ZNF324B: variants seen among roughly 807,000 people sequenced by gnomAD.
ZNF324B encodes zinc finger protein 324B.
ZNF324B carries 7 observed loss-of-function variants against 10.6 expected under a neutral mutation model. That is an observed-to-expected ratio of 0.66 (90% confidence interval 0.38 to 1.24). The LOEUF (loss-of-function observed/expected upper bound fraction) is 1.24, where lower values mean the gene tolerates loss of function less well. Ranked by LOEUF, ZNF324B falls within the 50% of genes most tolerant of loss-of-function variation. The pLI is 0.02. For missense variants in ZNF324B, 640 were observed against 764.7 expected, an observed-to-expected ratio of 0.84 and a Z score of 1.92; for synonymous variants, 316 against 321.0, an observed-to-expected ratio of 0.98 and a Z score of 0.17.
At chr19:58,451,378 G>A (rs1345597302), upstream of ZNF324B, among the ~76,000 whole-genome samples, 1 of 152,262 alleles carries the variant, frequency 6.6e-6, no homozygotes, top group Non-Finnish European at 1.5e-5. Flanking sequence ...CCCCAACGCG[G>A]GACAACCTGC....
chr19:58,439,254 C>T, the ZNF324B span, among the ~76,000 whole-genome samples: 1 of 152,208 alleles, frequency 6.6e-6, no homozygotes, highest in Non-Finnish European at 1.5e-5. Context: ...TCCTGCTCCA[C>T]CATCACCATC....
chr19:58,427,324 T>TTTCTTTCTTTCTTTCTTTCTTTCTTTCC, the ZNF324B span, among the ~76,000 whole-genome samples: 2 of 92,554 alleles, frequency 2.2e-5, no homozygotes, highest in Non-Finnish European at 3.8e-5. Context: ...TCTTTCTTTC[T>TTTCTTTCTTTCTTTCTTTCTTTCTTTCC]TTCTTTCTTT....
At chr19:58,419,545 G>A in the ZNF324B span, among the ~76,000 whole-genome samples, 20 of 152,202 alleles carry the variant, frequency 1.3e-4, no homozygotes, top group African/African-American at 4.1e-4. Context: ...TTGCAGACCT[G>A]TTATTTGTGT....
rs1775913150 is a variant in ZNF324B at position 58,455,594 on chromosome 19, G to A, written c.650G>A (p.Ser217Asn). 1.2e-6 allele frequency: 2 copies of A among 1,613,988 alleles called. No homozygotes were observed. Among genetic ancestry groups the A allele is most frequent in the East Asian group, 2.2e-5 (1 of 44,898 alleles). The change falls in exon 4 of 4, where the codon AGT becomes AAT. Residue 217 changes from serine (S) to asparagine (N), a missense_variant. Physicochemically the swap from Ser to Asn is conservative, Grantham distance 46. This residue lies in a region of ZNF324B where 345 missense variants were observed against 387.9 expected (regional missense o/e 0.89). Transcript: ENST00000336614. The surrounding 1 kb of genome is among the most constrained non-coding windows in gnomAD (Gnocchi z 7.0). ...FGNASDLKAA[S>N]GGRDRRMGAA... ...AATGCCTCGGACCTGAAGGCCGCCA[G>A]TGGTGGCAGGGATCGCAGAATGGGC...
At chr19:58,439,831 C>A in the ZNF324B span, 1 of 1,540,572 alleles carries the variant, frequency 6.5e-7, no homozygotes, top group South Asian at 1.2e-5. Context: ...TAACAGGAGG[C>A]CCAGGGCTAG....
chr19:58,428,866 T>C, the ZNF324B span: 1 of 152,244 alleles, frequency 6.6e-6, no homozygotes, highest in Non-Finnish European at 1.5e-5. Context: ...GAACCAGTTA[T>C]GCCTGCCTAC....
the ZNF324B span, chr19:58,434,310 C>T: frequency 6.2e-7 from 1 of 1,613,368 alleles, no homozygotes; most frequent in South Asian, 1.1e-5. Flanking sequence ...TTCCACATTT[C>T]AGGCACTCAA....
the ZNF324B span, among the ~76,000 whole-genome samples, chr19:58,439,466 G>A: frequency 2.0e-5 from 3 of 152,200 alleles, no homozygotes; most frequent in Admixed American, 6.5e-5. Context: ...GCAGTCCCCA[G>A]AATGCTTCCA....
At position 58,456,208 on chromosome 19, in the gene ZNF324B, G is replaced by A. The variant is rs372915064; in HGVS notation, c.1264G>A (p.Glu422Lys). The change falls in exon 4 of 4, where the codon GAG becomes AAG. Residue 422 changes from glutamate (E) to lysine (K), a missense_variant. This residue lies in a region of ZNF324B where 238 missense variants were observed against 258.0 expected (regional missense o/e 0.92). Coordinates refer to ENST00000336614, the MANE Select transcript of ZNF324B (RefSeq NM_207395.3). This position sits in a 1 kb window ranked among gnomAD's most constrained non-coding sequence, Gnocchi z 4.7. ...LFLHQRVHTG[E>K]KPFACAQCGR... ...TTTGCACCAGCGCGTGCACACAGGC[G>A]AGAAGCCCTTCGCCTGCGCCCAGTG... is the stretch of plus-strand genomic sequence containing the variant. 2 of 1,613,056 alleles carry A rather than the reference G, an allele frequency of 1.2e-6. No homozygotes were observed. The highest frequency in any genetic ancestry group is 3.3e-5 in the Admixed American group (2 of 59,988).
At chr19:58,438,858 T>G in the ZNF324B span, among the ~76,000 whole-genome samples, 926 of 151,764 alleles carry the variant, frequency 6.1e-3, 8 homozygotes, top group African/African-American at 0.018. Flanking sequence ...GCAACCTCCA[T>G]CTCCCAGATT....
the ZNF324B span, among the ~76,000 whole-genome samples, chr19:58,427,153 G>A: frequency 4.0e-5 from 6 of 150,786 alleles, no homozygotes; most frequent in South Asian, 2.1e-4. Context: ...TTTTTGAGAC[G>A]GAGTTTCACT....
intron 2 of ZNF324B, 144 bp from the exon 3 acceptor site, chr19:58,454,084 A>G (rs993371115): frequency 1.4e-6 from 1 of 698,384 alleles, no homozygotes; most frequent in Non-Finnish European, 2.5e-6. Context: ...AGCTATTCCT[A>G]TGAGCCCCTT....
At chr19:58,448,852 C>T (rs1041224385), upstream of ZNF324B, among the ~76,000 whole-genome samples, 3 of 152,202 alleles carry the variant, frequency 2.0e-5, no homozygotes, top group Admixed American at 6.5e-5. Flanking sequence ...CATAAAAGTT[C>T]AGAAAATTTG....
At chr19:58,431,823 C>G in the ZNF324B span, among the ~76,000 whole-genome samples, 13 of 152,210 alleles carry the variant, frequency 8.5e-5, no homozygotes, top group Non-Finnish European at 1.5e-5. Context: ...AAACCCGTCT[C>G]TACTAAAAAT....
At chr19:58,422,541 A>G in the ZNF324B span, among the ~76,000 whole-genome samples, 6 of 152,254 alleles carry the variant, frequency 3.9e-5, no homozygotes, top group Admixed American at 2.0e-4. Context: ...GGTCTGATAA[A>G]GAGATTCAGC....
chr19:58,425,225 C>T, the ZNF324B span, among the ~76,000 whole-genome samples: 1 of 151,462 alleles, frequency 6.6e-6, no homozygotes, highest in African/African-American at 2.4e-5. Context: ...CACTGCACTC[C>T]AGCCTGGGCG....
chr19:58,423,870 A>T, the ZNF324B span, among the ~76,000 whole-genome samples: 1 of 152,068 alleles, frequency 6.6e-6, no homozygotes, highest in African/African-American at 2.4e-5. Context: ...ATGAAACTAG[A>T]CCCCCATCTC....
chr19:58,438,101 A>G, the ZNF324B span, among the ~76,000 whole-genome samples: 10 of 152,298 alleles, frequency 6.6e-5, no homozygotes, highest in African/African-American at 2.4e-4. Context: ...TGACCACAAG[A>G]AGGATGGCCG....
Position 58,456,288 on chromosome 19 carries a change from G to A in ZNF324B, c.1344G>A (p.Thr448=). 1 of 1,612,908 alleles carries A rather than the reference G, an allele frequency of 6.2e-7. No homozygotes were observed. The highest frequency in any genetic ancestry group is 8.5e-7 in the Non-Finnish European group (1 of 1,179,828). Residue 448 remains threonine, a synonymous_variant, in exon 4 of 4, where the codon ACG becomes ACA. Coordinates refer to ENST00000336614, the MANE Select transcript of ZNF324B (RefSeq NM_207395.3). The surrounding 1 kb of genome is among the most constrained non-coding windows in gnomAD (Gnocchi z 4.7). ...TCACCCAGCACCAGCTCCTGCACAC[G>A]GGCGAGCGGCCCTTCCGCTGCGTGG... is the stretch of plus-strand genomic sequence containing the variant. ...SNLTQHQLLH[T]GERPFRCVDC...
Sources: gnomAD v4.1 joint callset for allele counts (sites outside exome capture counted in the v4.1 genomes callset) on GRCh38, gnomAD v4.1.1 for gene constraint, gnomAD v4.1.1 regional missense constraint, Gnocchi (gnomAD v3.1) non-coding constraint, MANE v1.5 for transcripts, NCBI Gene and HGNC (gene_info 2026-07-23, HGNC 2026-07-21) for gene names.